RGL1: variants seen among roughly 807,000 people sequenced by gnomAD.
RGL1 encodes the protein ral guanine nucleotide dissociation stimulator like 1, also known as ral guanine nucleotide dissociation stimulator-like 1.
In RGL1, 24 loss-of-function variants were observed where a neutral mutation model predicts 95.2. That is an observed-to-expected ratio of 0.25 (90% confidence interval 0.18 to 0.35). RGL1 has a LOEUF of 0.35. Among genes scored for constraint, RGL1 ranks in the 10% least tolerant of loss-of-function variants. The pLI is 1.00. For missense variants in RGL1, 715 were observed against 936.3 expected (o/e 0.76, Z 3.08); for synonymous variants, 329 against 344.9 (o/e 0.95, Z 0.51).
At chr1:183,723,069 A>G (rs1026525696) in intron 1 of RGL1, among the ~76,000 whole-genome samples, 4 of 152,240 alleles carry the variant, frequency 2.6e-5, no homozygotes, top group Non-Finnish European at 5.9e-5. Context: ...ATGGAAGCAC[A>G]CCAATGCAAA....
At chr1:183,643,917 T>C (rs563260142) in intron 1 of RGL1, among the ~76,000 whole-genome samples, 77 of 152,350 alleles carry the variant, frequency 5.1e-4, no homozygotes, top group African/African-American at 1.8e-3. Context: ...CAGGGACACC[T>C]AAGATAAGAT....
chr1:183,784,580 C>T (rs1168734541), intron 2 of RGL1, among the ~76,000 whole-genome samples: 1 of 152,126 alleles, frequency 6.6e-6, no homozygotes, highest in Non-Finnish European at 1.5e-5. Flanking sequence ...TCTTTTAATG[C>T]CTTCTGCTTA....
At chr1:183,712,191 A>T (rs977800836) in intron 1 of RGL1, among the ~76,000 whole-genome samples, 1 of 152,210 alleles carries the variant, frequency 6.6e-6, no homozygotes, top group African/African-American at 2.4e-5. Context: ...CCCTTGACAG[A>T]TGTTGCACAG....
At chr1:183,678,243 G>A (rs979784336) in intron 1 of RGL1, among the ~76,000 whole-genome samples, 4 of 152,142 alleles carry the variant, frequency 2.6e-5, no homozygotes, top group African/African-American at 9.6e-5. Flanking sequence ...GGCTTTCTGT[G>A]GAATAGATTG....
At chr1:183,742,370 A>G (rs1290615866) in intron 2 of RGL1, 2 of 1,535,198 alleles carry the variant, frequency 1.3e-6, no homozygotes, top group East Asian at 2.3e-5. Flanking sequence ...TGTAGCCAGC[A>G]CCACAGGCCA....
At chr1:183,794,477 G>T (rs1660597558) in intron 2 of RGL1, among the ~76,000 whole-genome samples, 1 of 152,140 alleles carries the variant, frequency 6.6e-6, no homozygotes, top group African/African-American at 2.4e-5. Context: ...TGAAATGATG[G>T]ATATCCTAAT....
chr1:183,847,501 C>A, intron 2 of RGL1, 65 bp from the exon 3 acceptor site: 1 of 1,338,588 alleles, frequency 7.5e-7, no homozygotes, highest in Non-Finnish European at 1.1e-6. Flanking sequence ...TCAACTATTT[C>A]AATGCTTCCA....
At chr1:183,680,901 G>A (rs776268899) in intron 1 of RGL1, among the ~76,000 whole-genome samples, 9 of 152,156 alleles carry the variant, frequency 5.9e-5, no homozygotes, top group Non-Finnish European at 1.2e-4. Flanking sequence ...CATATCCCTT[G>A]TAAGTTGAAT....
At chr1:183,880,564 T>G in intron 4 of RGL1, 52 bp from the exon 5 acceptor site, 1 of 1,578,082 alleles carries the variant, frequency 6.3e-7, no homozygotes, top group Middle Eastern at 2.2e-4. Context: ...AGGGATTGCT[T>G]TGCCTCCCCA....
At chr1:183,697,509 C>T (rs1052025564) in intron 1 of RGL1, among the ~76,000 whole-genome samples, 1 of 152,126 alleles carries the variant, frequency 6.6e-6, no homozygotes, top group African/African-American at 2.4e-5. Context: ...GAATTGAATG[C>T]ATGGTGAGCG....
chr1:183,775,629 G>A (rs902268247), intron 2 of RGL1, among the ~76,000 whole-genome samples: 7 of 152,284 alleles, frequency 4.6e-5, no homozygotes, highest in African/African-American at 7.2e-5. Context: ...ATTACCTTGG[G>A]CAAGAGTTAA....
At chr1:183,729,902 G>A (rs760282696) in intron 1 of RGL1, among the ~76,000 whole-genome samples, 5 of 152,108 alleles carry the variant, frequency 3.3e-5, no homozygotes, top group Non-Finnish European at 7.4e-5. Flanking sequence ...TAAACCTCTA[G>A]AAAAGAAAAA....
intron 2 of RGL1, among the ~76,000 whole-genome samples, chr1:183,812,423 T>C (rs578088304): frequency 6.6e-6 from 1 of 152,322 alleles, no homozygotes; most frequent in South Asian, 2.1e-4. Context: ...GTTGCATATT[T>C]CTATATGATT....
intron 3 of RGL1, among the ~76,000 whole-genome samples, chr1:183,858,173 G>A (rs1467242306): frequency 6.6e-6 from 1 of 152,072 alleles, no homozygotes; most frequent in African/African-American, 2.4e-5. Flanking sequence ...AATGTAATGG[G>A]TGGTAACTGA....
At chr1:183,727,862 CGTGA>C (rs1656400754) in intron 1 of RGL1, among the ~76,000 whole-genome samples, 1 of 152,102 alleles carries the variant, frequency 6.6e-6, no homozygotes, top group African/African-American at 2.4e-5. Flanking sequence ...GCATGAAATA[CGTGA>C]GTATGATGAT....
At chr1:183,703,246 G>A (rs1202122273) in intron 1 of RGL1, among the ~76,000 whole-genome samples, 1 of 152,208 alleles carries the variant, frequency 6.6e-6, no homozygotes, top group African/African-American at 2.4e-5. Flanking sequence ...CGTGACATAG[G>A]GGGTGGTGTG....
chr1:183,900,994 G>T (rs1438577516), intron 11 of RGL1, among the ~76,000 whole-genome samples: 6 of 150,636 alleles, frequency 4.0e-5, no homozygotes, highest in Non-Finnish European at 8.9e-5. Flanking sequence ...GTGAAACCCC[G>T]TCTCTACTAA....
intron 2 of RGL1, among the ~76,000 whole-genome samples, chr1:183,808,519 C>A (rs552502198): frequency 1.3e-5 from 2 of 151,248 alleles, no homozygotes; most frequent in Admixed American, 1.3e-4. Flanking sequence ...CTGTTTTTGT[C>A]CTTGAAAATT....
intron 2 of RGL1, among the ~76,000 whole-genome samples, chr1:183,837,576 G>T (rs1453873662): frequency 2.0e-5 from 2 of 99,944 alleles, no homozygotes; most frequent in Admixed American, 1.1e-4. Context: ...TTAAATCCTT[G>T]AACTTCTCAA....
Sources: gnomAD v4.1 joint callset for allele counts (sites outside exome capture counted in the v4.1 genomes callset) on GRCh38, gnomAD v4.1.1 for gene constraint, MANE v1.5 for transcripts, NCBI Gene and HGNC (gene_info 2026-07-23, HGNC 2026-07-21) for gene names.